WAPL: variants seen among roughly 807,000 people sequenced by gnomAD.
WAPL encodes the protein wings apart-like protein homolog.
WAPL carries 5 observed loss-of-function variants against 121.0 expected under a neutral mutation model. The ratio of observed to expected loss-of-function variants is 0.04; its 90% CI spans 0.02 to 0.09. The LOEUF (loss-of-function observed/expected upper bound fraction) is 0.09, where lower values mean the gene tolerates loss of function less well. Ranked by LOEUF, WAPL falls within the 10% of genes least tolerant of loss-of-function variation. The pLI, the probability that WAPL is intolerant of heterozygous loss-of-function variation, is 1.00. For synonymous variants in WAPL, 480 were observed against 481.5 expected (o/e 1.00, Z 0.04); for missense variants, 999 against 1,410.8 (o/e 0.71, Z 4.68).
intron 2 of WAPL, among the ~76,000 whole-genome samples, chr10:86,508,611 G>C (rs947860912): frequency 1.3e-5 from 2 of 152,182 alleles, no homozygotes; most frequent in South Asian, 4.1e-4. Context: ...GCAGCATTCC[G>C]CGTCAGTCAA....
At chr10:86,502,320 G>A (rs1005704352) in intron 2 of WAPL, among the ~76,000 whole-genome samples, 25 of 152,188 alleles carry the variant, frequency 1.6e-4, no homozygotes, top group African/African-American at 6.0e-4. Context: ...GAGATGGAAT[G>A]ACTAAGGGAT....
At chr10:86,442,979 C>T (rs913951615) in intron 17 of WAPL, among the ~76,000 whole-genome samples, 6 of 143,858 alleles carry the variant, frequency 4.2e-5, no homozygotes, top group Non-Finnish European at 7.5e-5. Context: ...GGAGGTGGAG[C>T]TTGCAGTGAG....
intron 4 of WAPL, among the ~76,000 whole-genome samples, chr10:86,478,471 T>C (rs1178236472): frequency 1.3e-5 from 2 of 152,128 alleles, no homozygotes; most frequent in Non-Finnish European, 2.9e-5. Context: ...GGTAAATTAA[T>C]GAGAAAAATA....
rs1168175261 is a variant in WAPL at position 86,521,373 on chromosome 10, C to G, written c.-31G>C. 4.9e-5 allele frequency: 14 copies of G among 286,500 alleles called. No homozygotes were observed. Among genetic ancestry groups the G allele is most frequent in the South Asian group, 3.5e-4 (13 of 36,814 alleles). The allele number at this position is 286,500 out of a possible 1,614,324, so 17.7% of individuals were successfully genotyped here. ...CCCGACACCTCACTTACCCTCGGAG[C>G]CTGGCGGGTGCTTTGGCCACGGGCC... is the stretch of plus-strand genomic sequence containing the variant. On this transcript the variant is annotated 5_prime_UTR_variant, in exon 1 of 19. Transcript: ENST00000298767.
chr10:86,514,714 T>G (rs1198402574), intron 2 of WAPL, among the ~76,000 whole-genome samples: 2 of 152,172 alleles, frequency 1.3e-5, no homozygotes, highest in Non-Finnish European at 2.9e-5. Context: ...AACATAAAGA[T>G]ATATTGTCCG....
At chr10:86,506,241 A>AAAAC (rs200759118) in intron 2 of WAPL, among the ~76,000 whole-genome samples, 4,027 of 152,218 alleles carry the variant, frequency 0.026, 66 homozygotes, top group Non-Finnish European at 0.04. Flanking sequence ...TCCAAAAACA[A>AAAAC]AAACAAACAA....
At chr10:86,465,532 GA>G (rs1841377858) in intron 9 of WAPL, among the ~76,000 whole-genome samples, 1 of 152,130 alleles carries the variant, frequency 6.6e-6, no homozygotes, top group Non-Finnish European at 1.5e-5. Flanking sequence ...TCTGTTCTGG[GA>G]AAGCCTCTAA....
chr10:86,481,437 G>A (rs557754016), intron 4 of WAPL, among the ~76,000 whole-genome samples: 14 of 152,214 alleles, frequency 9.2e-5, no homozygotes, highest in Non-Finnish European at 1.5e-4. Context: ...GCAATGGCGC[G>A]ATCTTGGCTC....
intron 8 of WAPL, among the ~76,000 whole-genome samples, chr10:86,467,852 ATTTT>A (rs565853710): frequency 6.6e-6 from 1 of 151,130 alleles, no homozygotes; most frequent in African/African-American, 2.4e-5. Flanking sequence ...TATTTTTTGT[ATTTT>A]TTTAGTAGAG....
intron 17 of WAPL, among the ~76,000 whole-genome samples, chr10:86,439,748 C>T (rs536565209): frequency 7.2e-5 from 11 of 152,184 alleles, no homozygotes; most frequent in Non-Finnish European, 1.5e-4. Context: ...AGTAAGTGCT[C>T]TGAAGTAAGT....
intron 2 of WAPL, among the ~76,000 whole-genome samples, chr10:86,502,935 G>A (rs376798579): frequency 4.6e-5 from 7 of 151,576 alleles, no homozygotes; most frequent in African/African-American, 1.2e-4. Context: ...CAAGGCGGGC[G>A]GATCATGAGG....
rs1842348836 is a variant in WAPL, at chr10:86,506,378, A to G, written c.500-5635T>C. Among the ~76,000 whole-genome samples the G allele has an allele frequency of 2.0e-5, 3 of 152,222 alleles. No individual in the cohort carries two copies. In the South Asian group the frequency reaches 6.2e-4, roughly 31 times the overall value. On this transcript the variant is annotated intron_variant, in intron 2 of 18. Coordinates refer to ENST00000298767, the MANE Select transcript of WAPL (RefSeq NM_015045.5). ...TTACAGGAGTGTTCCTCTTCTAATAATTAATTAAGCTAGACCCTTTTGTGT... is the reference window on the plus strand; with the variant it reads ...TTACAGGAGTGTTCCTCTTCTAATAGTTAATTAAGCTAGACCCTTTTGTGT...
At chr10:86,467,900 G>A (rs533798819) in intron 8 of WAPL, among the ~76,000 whole-genome samples, 1 of 151,610 alleles carries the variant, frequency 6.6e-6, no homozygotes, top group African/African-American at 2.4e-5. Context: ...GGATGGTCTC[G>A]ATCTCCTGAC....
rs531404303 is a variant in WAPL, at chr10:86,505,300, C to CTTTTTTTTTTTTTTTTTTTTTTTTTTTTT, written c.500-4558_500-4557insAAAAAAAAAAAAAAAAAAAAAAAAAAAAA. Among the ~76,000 whole-genome samples, 10 of 44,644 alleles carry CTTTTTTTTTTTTTTTTTTTTTTTTTTTTT rather than the reference C, an allele frequency of 2.2e-4. 2 individuals carry two copies. Among genetic ancestry groups the CTTTTTTTTTTTTTTTTTTTTTTTTTTTTT allele is most frequent in the Admixed American group, 3.5e-4 (1 of 2,862 alleles). The allele number at this position is 44,644 out of a possible 152,430, so 29.3% of individuals were successfully genotyped here. ...CAAGCTTCAGCCACAGTGCCCAACTCTTTTTTTTTTTTTTTTTTTTTTTTT... is the reference window on the plus strand; with the variant it reads ...CAAGCTTCAGCCACAGTGCCCAACTCTTTTTTTTTTTTTTTTTTTTTTTTTTTTTTTTTTTTTTTTTTTTTTTTTTTTTT... On this transcript the variant is annotated intron_variant, in intron 2 of 18. Transcript: ENST00000298767.
At chr10:86,469,744 G>A (rs1221621605) in intron 8 of WAPL, among the ~76,000 whole-genome samples, 3 of 152,156 alleles carry the variant, frequency 2.0e-5, no homozygotes, top group African/African-American at 4.8e-5. Flanking sequence ...AGAAGCATCA[G>A]ACCAGGTGTC....
In WAPL at chr10:86,472,551, G is replaced by A; in HGVS notation, c.1893+61C>T. The A allele has an allele frequency of 6.3e-7, 1 of 1,582,066 alleles. No individual in the cohort carries two copies. The highest frequency in any genetic ancestry group is 2.2e-5 in the East Asian group (1 of 44,494). On this transcript the variant is annotated intron_variant, in intron 6 of 18. Transcript: ENST00000298767. The surrounding 1 kb of genome is among the most constrained non-coding windows in gnomAD (Gnocchi z 4.2). ...CTGATATTTGTTGAAGATATTAAATGGCTAAATGTTACATACAAAAATCTA... is the reference window on the plus strand; with the variant it reads ...CTGATATTTGTTGAAGATATTAAATAGCTAAATGTTACATACAAAAATCTA...
chr10:86,438,441 A>G (rs1463263491), intron 17 of WAPL, among the ~76,000 whole-genome samples: 2 of 152,174 alleles, frequency 1.3e-5, no homozygotes, highest in African/African-American at 4.8e-5. Context: ...TTTAGCAGAG[A>G]CGTGGTTTCA....
chr10:86,491,080 AATAC>A (rs1225026502), intron 4 of WAPL, among the ~76,000 whole-genome samples: 3 of 149,596 alleles, frequency 2.0e-5, no homozygotes, highest in Admixed American at 6.7e-5. Context: ...TAAATAAATA[AATAC>A]ATACATAAAT....
At chr10:86,475,943 G>C (rs1245029550) in intron 4 of WAPL, among the ~76,000 whole-genome samples, 1 of 152,208 alleles carries the variant, frequency 6.6e-6, no homozygotes, top group African/African-American at 2.4e-5. Context: ...CACGCCTCTA[G>C]GCCGAGGCAG....
Sources: gnomAD v4.1 joint callset for allele counts (sites outside exome capture counted in the v4.1 genomes callset) on GRCh38, gnomAD v4.1.1 for gene constraint, Gnocchi (gnomAD v3.1) non-coding constraint, MANE v1.5 for transcripts, NCBI Gene and HGNC (gene_info 2026-07-23, HGNC 2026-07-21) for gene names.